Variants in FHOD3 observed in about 807,000 individuals in gnomAD.
FHOD3 encodes formin homology 2 domain containing 3, also known as FH1/FH2 domain-containing protein 3.
Under a neutral mutation model 173.0 loss-of-function variants are expected in FHOD3, and 90 were observed. The observed-to-expected ratio is 0.52, with a 90% CI of 0.44 to 0.62. The LOEUF (loss-of-function observed/expected upper bound fraction) is 0.62. FHOD3 is among the 20% of genes least tolerant of loss of function. The pLI is 0.00. For missense variants in FHOD3, 1,945 were observed against 2,034.7 expected (o/e 0.96, Z 0.85); for synonymous variants, 828 against 823.0 (o/e 1.01, Z -0.10).
At chr18:36,670,133 TATC>T (rs1261907203) in intron 14 of FHOD3, among the ~76,000 whole-genome samples, 1 of 152,110 alleles carries the variant, frequency 6.6e-6, no homozygotes, top group Non-Finnish European at 1.5e-5. Flanking sequence ...GCATGTAACA[TATC>T]ATTTTTTTCC....
chr18:36,439,574 T>G (rs140846240), intron 3 of FHOD3, among the ~76,000 whole-genome samples: 133 of 150,820 alleles, frequency 8.8e-4, no homozygotes, highest in Middle Eastern at 3.4e-3. Context: ...TGTGTATGTA[T>G]GTAGTTACAT....
intron 28 of FHOD3, among the ~76,000 whole-genome samples, chr18:36,769,825 G>T (rs1267475860): frequency 6.6e-6 from 1 of 152,154 alleles, no homozygotes; most frequent in Non-Finnish European, 1.5e-5. Context: ...GGGGGCGCTT[G>T]TGGGGCTGGA....
intron 3 of FHOD3, among the ~76,000 whole-genome samples, chr18:36,460,466 T>A (rs942788539): frequency 1.3e-5 from 2 of 152,250 alleles, no homozygotes; most frequent in Non-Finnish European, 2.9e-5. Flanking sequence ...CGTGAGGCAC[T>A]AATACAATCA....
At chr18:36,420,492 C>G (rs2049930495) in intron 3 of FHOD3, among the ~76,000 whole-genome samples, 1 of 152,194 alleles carries the variant, frequency 6.6e-6, no homozygotes, top group Non-Finnish European at 1.5e-5. Context: ...TGTCTGTGTG[C>G]TGCCTCGGGA....
intron 28 of FHOD3, among the ~76,000 whole-genome samples, chr18:36,776,899 G>A (rs982583906): frequency 1.3e-5 from 2 of 152,174 alleles, no homozygotes; most frequent in African/African-American, 4.8e-5. Flanking sequence ...CTCAATGTCC[G>A]AAGCTATTAA....
chr18:36,322,936 C>G (rs1484854203), intron 1 of FHOD3, among the ~76,000 whole-genome samples: 1 of 152,198 alleles, frequency 6.6e-6, no homozygotes, highest in Non-Finnish European at 1.5e-5. Context: ...CCTGCCAACC[C>G]TCAGGCTGGA....
intron 1 of FHOD3, among the ~76,000 whole-genome samples, chr18:36,325,135 T>C (rs7237252): frequency 0.04 from 6,139 of 152,106 alleles, 384 homozygotes; most frequent in African/African-American, 0.14. Flanking sequence ...ATTTGTAATT[T>C]TCTAAGTCAA....
chr18:36,699,071 G>T (rs764094587), intron 17 of FHOD3, among the ~76,000 whole-genome samples: 2 of 152,128 alleles, frequency 1.3e-5, no homozygotes, highest in Admixed American at 6.5e-5. Flanking sequence ...GTCTTCTAAG[G>T]CTCCTTGCTA....
At chr18:36,713,634 A>G (rs1271941104) in intron 18 of FHOD3, among the ~76,000 whole-genome samples, 1 of 152,242 alleles carries the variant, frequency 6.6e-6, no homozygotes, top group African/African-American at 2.4e-5. Flanking sequence ...TGTATATTTC[A>G]AAGTAGAATA....
At chr18:36,546,481 C>G (rs1411959121) in intron 5 of FHOD3, among the ~76,000 whole-genome samples, 2 of 152,146 alleles carry the variant, frequency 1.3e-5, no homozygotes, top group Non-Finnish European at 1.5e-5. Flanking sequence ...AAATGGCTAT[C>G]TTAGCGGCAT....
At chr18:36,529,197 T>C (rs562809825) in intron 5 of FHOD3, among the ~76,000 whole-genome samples, 1 of 152,286 alleles carries the variant, frequency 6.6e-6, no homozygotes, top group East Asian at 1.9e-4. Flanking sequence ...GGCATTCTTG[T>C]GGTGGTTCAG....
At chr18:36,629,882 C>T (rs2034387546) in intron 10 of FHOD3, among the ~76,000 whole-genome samples, 1 of 152,020 alleles carries the variant, frequency 6.6e-6, no homozygotes, top group Non-Finnish European at 1.5e-5. Flanking sequence ...ACCTAGGAGA[C>T]ATCTGGACAC....
chr18:36,392,193 G>T (rs960405770), intron 3 of FHOD3, among the ~76,000 whole-genome samples: 2 of 152,146 alleles, frequency 1.3e-5, no homozygotes, highest in African/African-American at 4.8e-5. Flanking sequence ...GGGTTTTGGG[G>T]GGTTAAATGA....
At chr18:36,615,721 T>C (rs1483153515) in intron 9 of FHOD3, among the ~76,000 whole-genome samples, 1 of 152,206 alleles carries the variant, frequency 6.6e-6, no homozygotes, top group Non-Finnish European at 1.5e-5. Context: ...GAGGAAGATA[T>C]TCATTCATAA....
chr18:36,709,057 T>A, intron 17 of FHOD3, 38 bp from the exon 18 acceptor site: 1 of 1,590,340 alleles, frequency 6.3e-7, no homozygotes, highest in East Asian at 2.3e-5. Flanking sequence ...TTCCAAGAAA[T>A]CTGTCGTCAA....
At chr18:36,545,994 G>A (rs918987293) in intron 5 of FHOD3, among the ~76,000 whole-genome samples, 2 of 152,234 alleles carry the variant, frequency 1.3e-5, no homozygotes, top group African/African-American at 4.8e-5. Flanking sequence ...CACATGTAAT[G>A]TACGGCTTGC....
At chr18:36,570,894 A>G (rs1044853651) in intron 5 of FHOD3, among the ~76,000 whole-genome samples, 3 of 152,118 alleles carry the variant, frequency 2.0e-5, no homozygotes, top group African/African-American at 7.2e-5. Context: ...ATTTACAAAA[A>G]CATATGTCTA....
chr18:36,778,188 A>G (rs1343122040), intron 28 of FHOD3: 2 of 152,260 alleles, frequency 1.3e-5, no homozygotes, highest in African/African-American at 4.8e-5. Flanking sequence ...ATGGGAAGGC[A>G]TAGACCATGG....
intron 9 of FHOD3, among the ~76,000 whole-genome samples, chr18:36,613,500 T>C (rs1335844339): frequency 6.6e-6 from 1 of 152,182 alleles, no homozygotes; most frequent in African/African-American, 2.4e-5. Flanking sequence ...GATCTGAAGA[T>C]GTGTTTTCTC....
Sources: gnomAD v4.1 joint callset for allele counts (sites outside exome capture counted in the v4.1 genomes callset) on GRCh38, gnomAD v4.1.1 for gene constraint, MANE v1.5 for transcripts, NCBI Gene and HGNC (gene_info 2026-07-23, HGNC 2026-07-21) for gene names.